RBM17: variants seen among roughly 807,000 people sequenced by gnomAD.
RBM17 encodes the protein RNA binding motif protein 17, also known as splicing factor 45.
RBM17 carries 7 observed loss-of-function variants against 53.2 expected under a neutral mutation model. That is an observed-to-expected ratio of 0.13 (90% CI 0.07 to 0.25). The LOEUF is 0.25. RBM17 is among the 10% of genes least tolerant of loss of function. The pLI, the probability that RBM17 is intolerant of heterozygous loss-of-function variation, is 1.00. For synonymous variants in RBM17, 167 were observed against 178.1 expected (o/e 0.94, Z 0.50); for missense variants, 257 against 496.7 (o/e 0.52, Z 4.59).
In RBM17 at chr10:6,104,946, G is replaced by C. The variant is rs1363675864; in HGVS notation, c.256G>C (p.Gly86Arg). 1 of 1,613,798 alleles carries C rather than the reference G, an allele frequency of 6.2e-7. No homozygotes were observed. The highest frequency in any genetic ancestry group is 1.1e-5 in the South Asian group (1 of 91,042). Residue 86 changes from glycine to arginine, a missense_variant, in exon 4 of 12, where the codon GGG (glycine) becomes CGG (arginine). Around this residue, in one of 6 missense-constraint regions of RBM17, gnomAD observed 127 missense variants for 217.2 expected, o/e 0.58. Coordinates refer to ENST00000379888, the MANE Select transcript of RBM17 (RefSeq NM_032905.5). The part of the protein sequence containing the change: ...AAGLKDPVPS[G>R]FSAGEVLIPL... ...CCTTCCTCAGGATCCTGTTCCCAGT[G>C]GGTTTTCTGCAGGGGAAGTTCTGAT...
chr10:6,113,087 C>A, intron 8 of RBM17: 1 of 179,506 alleles, frequency 5.6e-6, no homozygotes. Context: ...CAGAAACCAA[C>A]AGTTGTCCCG....
intron 3 of RBM17, among the ~76,000 whole-genome samples, chr10:6,104,712 T>C (rs1840721419): frequency 6.6e-6 from 1 of 152,214 alleles, no homozygotes; most frequent in African/African-American, 2.4e-5. Context: ...ATTATAGAAA[T>C]AGTACTAATC....
At chr10:6,109,394 A>G (rs181644411) in intron 6 of RBM17, among the ~76,000 whole-genome samples, 1 of 152,366 alleles carries the variant, frequency 6.6e-6, no homozygotes, top group East Asian at 1.9e-4. Flanking sequence ...AATTTCTAAG[A>G]TATTATGAAA....
Position 6,110,107 on chromosome 10 carries a change from C to T in RBM17, c.684C>T (p.Asn228=). Residue 228 remains asparagine (N), a synonymous_variant, in exon 7 of 12, where the codon AAC becomes AAT. Coordinates refer to ENST00000379888, the MANE Select transcript of RBM17 (RefSeq NM_032905.5). ...CGAGATCTCCAACCGGACCTAGCAA[C>T]TCCTTCCTCGCTAACATGGGGTAAT... ...DRPRSPTGPS[N]SFLANMGGTV... The T allele has an allele frequency of 6.2e-7, 1 of 1,609,774 alleles. No individual in the cohort carries two copies. The highest frequency in any genetic ancestry group is 8.5e-7 in the Non-Finnish European group (1 of 1,178,110).
intron 3 of RBM17, among the ~76,000 whole-genome samples, chr10:6,104,289 C>G (rs900679269): frequency 1.3e-5 from 2 of 152,056 alleles, no homozygotes; most frequent in Non-Finnish European, 2.9e-5. Flanking sequence ...AATGTATAGA[C>G]GAGAAAACAC....
chr10:6,089,327 C>T lies in RBM17; in HGVS notation c.-19+134C>T, dbSNP rs1355000731. 2 of 152,204 alleles carry T rather than the reference C, an allele frequency of 1.3e-5. No homozygotes were observed. Among genetic ancestry groups the T allele is most frequent in the Non-Finnish European group, 2.9e-5 (2 of 68,028 alleles). The allele number at this position is 152,204 out of a possible 1,614,324, so 9.4% of individuals were successfully genotyped here. A position where few individuals can be genotyped will look rare whatever the true frequency, so the allele number is the denominator to read the frequency against. On this transcript the variant is annotated intron_variant, in intron 1 of 11. Coordinates refer to ENST00000379888, the MANE Select transcript of RBM17 (RefSeq NM_032905.5). This position sits in a 1 kb window ranked among gnomAD's most constrained non-coding sequence, Gnocchi z 5.6. ...GGGGCGGAGGCCGGGCCAGCGCAGCCGGAGCCTCCGAGGGTCTCAGTCCCC... is the reference window on the plus strand; with the variant it reads ...GGGGCGGAGGCCGGGCCAGCGCAGCTGGAGCCTCCGAGGGTCTCAGTCCCC...
rs1840433336 is a variant in RBM17 at position 6,089,058 on chromosome 10, C to G, written c.-154C>G. Reference sequence around the variant, plus strand: ...CAGCCCGCGCTCCCTGACCCCGCGCCGCCGAGCGCCCTGAGGACTCAGCGA... The same window carrying G: ...CAGCCCGCGCTCCCTGACCCCGCGCGGCCGAGCGCCCTGAGGACTCAGCGA... On this transcript the variant is annotated 5_prime_UTR_variant, in exon 1 of 12. Transcript: ENST00000379888. This position sits in a 1 kb window ranked among gnomAD's most constrained non-coding sequence, Gnocchi z 5.6. 1 of 150,648 alleles carries G rather than the reference C, an allele frequency of 6.6e-6. No homozygotes were observed. The highest frequency in any genetic ancestry group is 6.6e-5 in the Admixed American group (1 of 15,112). The allele number at this position is 150,648 out of a possible 1,614,324, so 9.3% of individuals were successfully genotyped here. A position where few individuals can be genotyped will look rare whatever the true frequency, so the allele number is the denominator to read the frequency against.
rs140602016 is a variant in RBM17, at chr10:6,110,274, A to C, written c.704+147A>C. The C allele has an allele frequency of 1.2e-3, 633 of 541,588 alleles. 5 individuals carry two copies. The highest frequency in any genetic ancestry group is 0.011 in the African/African-American group (583 of 51,744). 33.5% of individuals were successfully genotyped at this position (541,588 alleles called of 1,614,324 possible). ...CACGGTACCTGCCTCAATCGTGTGG[A>C]GCGTGTTCCAGTGTAATGATGGGGC... On this transcript the variant is annotated intron_variant, in intron 7 of 11. Transcript: ENST00000379888.
chr10:6,091,442 T>C (rs969170599), intron 1 of RBM17, among the ~76,000 whole-genome samples: 1 of 152,226 alleles, frequency 6.6e-6, no homozygotes, highest in African/African-American at 2.4e-5. Context: ...TATTTCTTGC[T>C]AACAAGCCTG....
intron 1 of RBM17, among the ~76,000 whole-genome samples, chr10:6,090,160 A>G (rs1298513331): frequency 1.3e-5 from 2 of 152,176 alleles, no homozygotes; most frequent in African/African-American, 4.8e-5. Flanking sequence ...GAGAAGCAGT[A>G]AAGAAGCGCC....
chr10:6,098,568 T>TTTTTTTTG (rs1840618083), intron 2 of RBM17, among the ~76,000 whole-genome samples: 1 of 84,684 alleles, frequency 1.2e-5, no homozygotes, highest in Admixed American at 1.1e-4. Context: ...TTTTTGTTTT[T>TTTTTTTTG]TTTTTTTTTT....
At position 6,112,192 on chromosome 10, in the gene RBM17, C is replaced by G. The variant is rs1363558558; in HGVS notation, c.705-18C>G. 1.2e-6 allele frequency: 2 copies of G among 1,608,144 alleles called. No individual in the cohort carries two copies. The highest frequency in any genetic ancestry group is 1.7e-5 in the Admixed American group (1 of 59,918). ...ACGATGTCAAGGCTAAGAGTCCTTT[C>G]CCTTCTTCTCCTGCCAGGGGCACGG... is the stretch of plus-strand genomic sequence containing the variant. On this transcript the variant is annotated intron_variant, in intron 7 of 11. Transcript: ENST00000379888. The surrounding 1 kb of genome is among the most constrained non-coding windows in gnomAD (Gnocchi z 4.4).
At chr10:6,095,181 G>A (rs1171379622) in intron 1 of RBM17, among the ~76,000 whole-genome samples, 1 of 152,114 alleles carries the variant, frequency 6.6e-6, no homozygotes, top group Non-Finnish European at 1.5e-5. Context: ...ATCAGGAGGA[G>A]AGTCTGTCTG....
At chr10:6,098,706 A>G (rs991319887) in intron 2 of RBM17, among the ~76,000 whole-genome samples, 1 of 151,278 alleles carries the variant, frequency 6.6e-6, no homozygotes, top group African/African-American at 2.4e-5. Flanking sequence ...CTCCTGAGTA[A>G]CTGGGACTAC....
In RBM17 at chr10:6,106,242, A is replaced by C. The variant is rs780615231; in HGVS notation, c.505+4A>C. 1 of 1,585,106 alleles carries C rather than the reference A, an allele frequency of 6.3e-7. No homozygotes were observed. The highest frequency in any genetic ancestry group is 8.7e-7 in the Non-Finnish European group (1 of 1,154,318). ...GAGCGAGAGAGGAGGAAAAGAAGTA[A>C]GGCATGAACAAATATGTCTTAAACA... is the stretch of plus-strand genomic sequence containing the variant. On this transcript the variant is annotated splice_donor_region_variant and intron_variant, in intron 5 of 11. Transcript: ENST00000379888.
Position 6,117,327 on chromosome 10 carries a change from A to C in RBM17, c.*1771A>C, listed in dbSNP as rs1303288235. On this transcript the variant is annotated 3_prime_UTR_variant, in exon 12 of 12. Coordinates refer to ENST00000379888, the MANE Select transcript of RBM17 (RefSeq NM_032905.5). ...TATAATGAATTTCTGATAGTCGAATAATTTCTAAATCTCCTGCAAGTTAGT... is the reference window on the plus strand; with the variant it reads ...TATAATGAATTTCTGATAGTCGAATCATTTCTAAATCTCCTGCAAGTTAGT... 2.6e-5 allele frequency: 4 copies of C among 152,184 alleles called. No individual in the cohort carries two copies. Among genetic ancestry groups the C allele is most frequent in the Non-Finnish European group, 5.9e-5 (4 of 68,042 alleles). The allele number at this position is 152,184 out of a possible 1,614,324, so 9.4% of individuals were successfully genotyped here.
rs564763199 is a variant in RBM17 at position 6,105,350 on chromosome 10, A to T, written c.407+253A>T. Among the ~76,000 whole-genome samples, 65 of 152,312 alleles carry T rather than the reference A, an allele frequency of 4.3e-4. No homozygotes were observed. In the South Asian group the frequency reaches 5.6e-3, roughly 13 times the overall value. ...GTTAGAAAAATAACTTATAAACCTG[A>T]TGTTGAAAATTTTTTTCTATGCTGA... On this transcript the variant is annotated intron_variant, in intron 4 of 11. Coordinates refer to ENST00000379888, the MANE Select transcript of RBM17 (RefSeq NM_032905.5).
In RBM17 at chr10:6,091,851, T is replaced by TG. The variant is rs369105957; in HGVS notation, c.-19+2666dup. On this transcript the variant is annotated intron_variant, in intron 1 of 11. Transcript: ENST00000379888. ...TCTGAGTATGCTTGAGGAAACCAGTTGGGGGGGGTTAGTTTTATGTGGGGG... is the reference window on the plus strand; with the variant it reads ...TCTGAGTATGCTTGAGGAAACCAGTTGGGGGGGGGTTAGTTTTATGTGGGGG... Among the ~76,000 whole-genome samples, 24 of 125,762 alleles carry TG rather than the reference T, an allele frequency of 1.9e-4. No individual in the cohort carries two copies. In the South Asian group the frequency reaches 3.0e-3, roughly 16 times the overall value. The allele number at this position is 125,762 out of a possible 152,430, so 82.5% of individuals were successfully genotyped here. A position where few individuals can be genotyped will look rare whatever the true frequency, so the allele number is the denominator to read the frequency against.
intron 1 of RBM17, among the ~76,000 whole-genome samples, chr10:6,093,299 C>T (rs61839690): frequency 0.076 from 11,611 of 152,104 alleles, 575 homozygotes; most frequent in Middle Eastern, 0.12. Flanking sequence ...CTGCGACCTC[C>T]GCCTCCCGGG....
Sources: gnomAD v4.1 joint callset for allele counts (sites outside exome capture counted in the v4.1 genomes callset) on GRCh38, gnomAD v4.1.1 for gene constraint, gnomAD v4.1.1 regional missense constraint, Gnocchi (gnomAD v3.1) non-coding constraint, MANE v1.5 for transcripts, NCBI Gene and HGNC (gene_info 2026-07-23, HGNC 2026-07-21) for gene names.